ELP4: variants seen among roughly 807,000 people sequenced by gnomAD.
ELP4 encodes elongator complex protein 4.
A neutral mutation model predicts 48.9 loss-of-function variants in ELP4; 51 were observed. That is an observed-to-expected ratio of 1.04 (90% CI 0.83 to 1.32). The LOEUF (loss-of-function observed/expected upper bound fraction) is 1.32. Among genes scored for constraint, ELP4 ranks in the 40% most tolerant of loss-of-function variants. ELP4 has a pLI of 0.00. For synonymous variants in ELP4, 210 were observed against 189.2 expected (o/e 1.11, Z -0.90); for missense variants, 519 against 514.6 (o/e 1.01, Z -0.08).
At position 31,767,290 on chromosome 11, in the gene ELP4, C is replaced by T. The variant is rs1948060666; in HGVS notation, c.1144-16103C>T. On this transcript the variant is annotated intron_variant, in intron 9 of 9. Coordinates refer to ENST00000640961, the MANE Select transcript of ELP4 (RefSeq NM_019040.5). Reference sequence around the variant, plus strand: ...GGGTTTCTACTTGACCAGAGTGGCTCTTCTGGCTACAGTGAAAATGTGAGA... The same window carrying T: ...GGGTTTCTACTTGACCAGAGTGGCTTTTCTGGCTACAGTGAAAATGTGAGA... The T allele has an allele frequency of 2.6e-5, 4 of 151,798 alleles. No homozygotes were observed. The South Asian group carries it at 8.3e-4, about 31-fold the overall frequency. The allele number at this position is 151,798 out of a possible 1,614,324, so 9.4% of individuals were successfully genotyped here. A position where few individuals can be genotyped will look rare whatever the true frequency, so the allele number is the denominator to read the frequency against.
chr11:31,690,040 CAT>C (rs1405284212), intron 9 of ELP4, among the ~76,000 whole-genome samples: 1 of 152,144 alleles, frequency 6.6e-6, no homozygotes, highest in Non-Finnish European at 1.5e-5. Context: ...AAGGAAATAA[CAT>C]GTGTTTCGTA....
In ELP4 at chr11:31,681,425, G is replaced by A. The variant is rs144322560; in HGVS notation, c.1143+31204G>A. Among the ~76,000 whole-genome samples the A allele has an allele frequency of 5.9e-5, 9 of 152,242 alleles. No homozygotes were observed. The East Asian group carries it at 1.7e-3, about 29-fold the overall frequency. On this transcript the variant is annotated intron_variant, in intron 9 of 9. Transcript: ENST00000640961. ...TCAGAAAATTAGACAGCTGCTATGTGTAAAGCAAATAAATAAAACACCATT... is the reference window on the plus strand; with the variant it reads ...TCAGAAAATTAGACAGCTGCTATGTATAAAGCAAATAAATAAAACACCATT...
At chr11:31,539,904 C>A (rs1433136612) in intron 3 of ELP4, 121 bp downstream of exon 3, 4 of 710,988 alleles carry the variant, frequency 5.6e-6, no homozygotes, top group African/African-American at 3.7e-5. Flanking sequence ...ATTAACGGAA[C>A]CATACATTTT....
Position 31,594,889 on chromosome 11 carries a change from AC to A in ELP4, c.504del (p.Lys169ArgfsTer26). On this transcript the variant is annotated frameshift_variant, in exon 4 of 10. Transcript: ENST00000640961. LOFTEE classifies it high-confidence loss of function. ...MKIAWRYQLL[P>X]KMEIGPVSSS... ...AAATAGCTTGGCGTTACCAGTTATT[AC>A]CCAAGATGGAGGCAAGTAAACATAC... 1 of 1,557,124 alleles carries A rather than the reference AC, an allele frequency of 6.4e-7. No individual in the cohort carries two copies. Among genetic ancestry groups the A allele is most frequent in the South Asian group, 1.3e-5 (1 of 78,238 alleles).
chr11:31,765,425 AT>A (rs1380734228), intron 9 of ELP4, among the ~76,000 whole-genome samples: 6 of 152,126 alleles, frequency 3.9e-5, no homozygotes, highest in Non-Finnish European at 2.9e-5. Flanking sequence ...CCAAGTAGAC[AT>A]TTTTTATAAG....
chr11:31,631,470 A>G (rs1944859593), intron 6 of ELP4, among the ~76,000 whole-genome samples: 1 of 152,178 alleles, frequency 6.6e-6, no homozygotes, highest in Non-Finnish European at 1.5e-5. Flanking sequence ...TATTTACAAA[A>G]CATTTATTTA....
chr11:31,722,026 A>G (rs986783416), intron 9 of ELP4, among the ~76,000 whole-genome samples: 4 of 152,202 alleles, frequency 2.6e-5, no homozygotes, highest in African/African-American at 9.7e-5. Flanking sequence ...CAGCTTCCAC[A>G]ATATTTGTTG....
At position 31,789,323 on chromosome 11, in the gene ELP4, CT is replaced by C. The variant is rs369801879; in HGVS notation, c.*5806del. 33 of 246,894 alleles carry C rather than the reference CT, an allele frequency of 1.3e-4. No homozygotes were observed. Among genetic ancestry groups the C allele is most frequent in the Admixed American group, 9.6e-4 (18 of 18,672 alleles). 15.3% of individuals were successfully genotyped at this position (246,894 alleles called of 1,614,324 possible). A position where few individuals can be genotyped will look rare whatever the true frequency, so the allele number is the denominator to read the frequency against. On this transcript the variant is annotated 3_prime_UTR_variant, in exon 10 of 10. Transcript: ENST00000640961. Reference sequence around the variant, plus strand: ...ACACACTCTACCTTTTAGCTATCAACTTTTTTTCTTCCTTGAATTTATATCT... The same window carrying C: ...ACACACTCTACCTTTTAGCTATCAACTTTTTTCTTCCTTGAATTTATATCT...
chr11:31,560,240 ACTT>A lies in ELP4; in HGVS notation c.381+20461_381+20463del, dbSNP rs1462847677. ...GTAGATATTTTTGAAGCTTTAGACT[ACTT>A]CTTTTCCAAAAACTTAAAAATTCTA... On this transcript the variant is annotated intron_variant, in intron 3 of 9. Transcript: ENST00000640961. Among the ~76,000 whole-genome samples, 9 of 152,224 alleles carry A rather than the reference ACTT, an allele frequency of 5.9e-5. No individual in the cohort carries two copies. The East Asian group carries it at 1.7e-3, about 29-fold the overall frequency.
chr11:31,680,738 A>G (rs1182789770), intron 9 of ELP4, among the ~76,000 whole-genome samples: 1 of 152,204 alleles, frequency 6.6e-6, no homozygotes, highest in Non-Finnish European at 1.5e-5. Context: ...TGTGTTCAAT[A>G]GGCTGCACAG....
At chr11:31,650,348 C>T in intron 9 of ELP4, 127 bp downstream of exon 9, 1 of 443,380 alleles carries the variant, frequency 2.3e-6, no homozygotes, top group Non-Finnish European at 4.1e-6. Context: ...ATGTTTTATG[C>T]TAAGTATTTT....
intron 3 of ELP4, among the ~76,000 whole-genome samples, chr11:31,559,625 C>T (rs1308447577): frequency 1.8e-4 from 27 of 152,094 alleles, no homozygotes; most frequent in Non-Finnish European, 1.5e-4. Context: ...AGTTTTGGGC[C>T]GGGAGCGGCG....
intron 9 of ELP4, among the ~76,000 whole-genome samples, chr11:31,771,943 C>G (rs1948153072): frequency 6.6e-6 from 1 of 151,872 alleles, no homozygotes; most frequent in East Asian, 2.0e-4. Context: ...GATTGTGCCA[C>G]TGCACTCCAG....
At chr11:31,538,393 T>A (rs1376340919) in intron 2 of ELP4, among the ~76,000 whole-genome samples, 2 of 148,238 alleles carry the variant, frequency 1.3e-5, no homozygotes, top group Non-Finnish European at 3.0e-5. Flanking sequence ...TTATATTGTA[T>A]TATGTATTAT....
At chr11:31,534,468 G>C (rs186360609) in intron 2 of ELP4, among the ~76,000 whole-genome samples, 1 of 152,080 alleles carries the variant, frequency 6.6e-6, no homozygotes, top group South Asian at 2.1e-4. Context: ...CCTAAAAGCT[G>C]CATGAAAAGT....
intron 9 of ELP4, among the ~76,000 whole-genome samples, chr11:31,739,131 A>G (rs189845096): frequency 6.4e-4 from 97 of 152,284 alleles, no homozygotes; most frequent in Middle Eastern, 3.4e-3. Context: ...TCATACACCA[A>G]TATTCTCATG....
intron 9 of ELP4, among the ~76,000 whole-genome samples, chr11:31,703,717 G>C (rs571275595): frequency 6.6e-5 from 10 of 152,068 alleles, no homozygotes; most frequent in Non-Finnish European, 1.3e-4. Flanking sequence ...TGATCTTGTG[G>C]CAGTATTTCA....
intron 9 of ELP4, among the ~76,000 whole-genome samples, chr11:31,741,887 C>T (rs1947460447): frequency 6.6e-6 from 1 of 152,198 alleles, no homozygotes; most frequent in Non-Finnish European, 1.5e-5. Context: ...CGGAACAAAG[C>T]TGGACAGAGA....
intron 3 of ELP4, among the ~76,000 whole-genome samples, chr11:31,570,827 T>G (rs1182861937): frequency 7.6e-5 from 9 of 119,132 alleles, no homozygotes; most frequent in Non-Finnish European, 1.5e-4. Context: ...TGAGACAGAG[T>G]CTCACTCTGT....
Sources: gnomAD v4.1 joint callset for allele counts (sites outside exome capture counted in the v4.1 genomes callset) on GRCh38, gnomAD v4.1.1 for gene constraint, MANE v1.5 for transcripts, NCBI Gene and HGNC (gene_info 2026-07-23, HGNC 2026-07-21) for gene names.